Variants in LYPLAL1 observed in about 807,000 individuals in gnomAD.
LYPLAL1 encodes lysophospholipase-like protein 1.
Under a neutral mutation model 19.7 loss-of-function variants are expected in LYPLAL1, and 23 were observed. That is an observed-to-expected ratio of 1.17 (90% CI 0.84 to 1.65). LYPLAL1 has a LOEUF of 1.65. Ranked by LOEUF, LYPLAL1 falls within the 40% of genes most tolerant of loss-of-function variation. The pLI, the probability that LYPLAL1 is intolerant of heterozygous loss-of-function variation, is 0.00. For missense variants in LYPLAL1, 355 were observed against 279.4 expected, an observed-to-expected ratio of 1.27 and a Z score of -1.93; for synonymous variants, 119 against 96.3, an observed-to-expected ratio of 1.24 and a Z score of -1.38.
chr1:219,444,507 A>T, the LYPLAL1 span, among the ~76,000 whole-genome samples: 2 of 152,230 alleles, frequency 1.3e-5, no homozygotes, highest in African/African-American at 4.8e-5. Flanking sequence ...AAGGAAAAAA[A>T]TAAAAGCAAA....
the LYPLAL1 span, among the ~76,000 whole-genome samples, chr1:219,403,764 C>G: frequency 6.6e-6 from 1 of 152,002 alleles, no homozygotes; most frequent in Non-Finnish European, 1.5e-5. Context: ...ATTTAAGAAC[C>G]TCAATCTGAG....
At chr1:219,400,047 A>C in the LYPLAL1 span, among the ~76,000 whole-genome samples, 1 of 152,096 alleles carries the variant, frequency 6.6e-6, no homozygotes, top group African/African-American at 2.4e-5. Context: ...AGGTAAGAGC[A>C]TGTTGCTTCT....
At chr1:219,287,464 T>C in the LYPLAL1 span, among the ~76,000 whole-genome samples, 1 of 152,172 alleles carries the variant, frequency 6.6e-6, no homozygotes, top group African/African-American at 2.4e-5. Context: ...TTCAGGGATA[T>C]GCAAATTGAA....
the LYPLAL1 span, among the ~76,000 whole-genome samples, chr1:219,368,015 AACTATGTATTGCT>A: frequency 6.6e-6 from 1 of 151,580 alleles, no homozygotes; most frequent in Admixed American, 6.6e-5. Flanking sequence ...CTGAAGTAAG[AACTATGTATTGCT>A]ACTCCTTTAT....
the LYPLAL1 span, among the ~76,000 whole-genome samples, chr1:219,370,900 C>T: frequency 3.3e-5 from 5 of 152,106 alleles, no homozygotes; most frequent in East Asian, 1.9e-4. Flanking sequence ...AAGGAGATTG[C>T]GCTGAGACAG....
At chr1:219,430,010 T>C in the LYPLAL1 span, among the ~76,000 whole-genome samples, 1 of 152,154 alleles carries the variant, frequency 6.6e-6, no homozygotes, top group Non-Finnish European at 1.5e-5. Context: ...TGCTCTTGTC[T>C]AGGTCAGACA....
chr1:219,228,184 A>G, the LYPLAL1 span, among the ~76,000 whole-genome samples: 1 of 152,184 alleles, frequency 6.6e-6, no homozygotes, highest in Middle Eastern at 3.4e-3. Context: ...CGTAAGACCA[A>G]CTCTCACATC....
chr1:219,440,869 C>G, the LYPLAL1 span, among the ~76,000 whole-genome samples: 1 of 152,142 alleles, frequency 6.6e-6, no homozygotes, highest in Admixed American at 6.6e-5. Flanking sequence ...TAGTAGTCAT[C>G]AATCACTGCT....
chr1:219,327,948 T>C, the LYPLAL1 span, among the ~76,000 whole-genome samples: 2 of 152,182 alleles, frequency 1.3e-5, no homozygotes, highest in African/African-American at 4.8e-5. Flanking sequence ...GGTATGTCTT[T>C]ATCAGCAACA....
At chr1:219,237,772 G>A in the LYPLAL1 span, among the ~76,000 whole-genome samples, 1 of 151,984 alleles carries the variant, frequency 6.6e-6, no homozygotes, top group African/African-American at 2.4e-5. Context: ...TATGCTTCCT[G>A]TTTTATGGCA....
At chr1:219,400,055 T>C in the LYPLAL1 span, among the ~76,000 whole-genome samples, 42,697 of 151,958 alleles carry the variant, frequency 0.28, 6,401 homozygotes, top group East Asian at 0.53. Flanking sequence ...GCATGTTGCT[T>C]CTTGCCAGTT....
the LYPLAL1 span, among the ~76,000 whole-genome samples, chr1:219,433,690 G>A: frequency 6.6e-6 from 1 of 152,224 alleles, no homozygotes. Context: ...ACACTTGGCT[G>A]TTCTGTGCAG....
chr1:219,320,001 G>A, the LYPLAL1 span, among the ~76,000 whole-genome samples: 10 of 152,036 alleles, frequency 6.6e-5, no homozygotes, highest in African/African-American at 2.2e-4. Flanking sequence ...GTACAATAAC[G>A]CTTACATAAA....
At chr1:219,255,928 T>C in the LYPLAL1 span, among the ~76,000 whole-genome samples, 131 of 152,084 alleles carry the variant, frequency 8.6e-4, 1 homozygote, top group Non-Finnish European at 1.5e-3. Flanking sequence ...AAAGCCATTT[T>C]ACCATCATAT....
At chr1:219,371,453 A>G in the LYPLAL1 span, among the ~76,000 whole-genome samples, 1 of 152,236 alleles carries the variant, frequency 6.6e-6, no homozygotes, top group East Asian at 1.9e-4. Context: ...ATATTCTGTC[A>G]GTAATGCTTG....
At chr1:219,323,641 A>G in the LYPLAL1 span, among the ~76,000 whole-genome samples, 9 of 152,304 alleles carry the variant, frequency 5.9e-5, no homozygotes, top group East Asian at 1.5e-3. Context: ...GACAGGGAGA[A>G]CTGTGGTTTC....
downstream of LYPLAL1, among the ~76,000 whole-genome samples, chr1:219,217,407 T>TGTGTGTGTGTGTGTGTGA (rs1225833975): frequency 3.4e-5 from 4 of 116,222 alleles, no homozygotes; most frequent in South Asian, 3.3e-4. Context: ...TGTGTGTGTG[T>TGTGTGTGTGTGTGTGTGA]GAGAGATGGT....
At chr1:219,242,663 A>G in the LYPLAL1 span, among the ~76,000 whole-genome samples, 2 of 151,990 alleles carry the variant, frequency 1.3e-5, no homozygotes. Context: ...ATTGACTCAC[A>G]ATGAATCTTG....
At chr1:219,282,114 C>T in the LYPLAL1 span, among the ~76,000 whole-genome samples, 1,139 of 152,084 alleles carry the variant, frequency 7.5e-3, 6 homozygotes, top group Non-Finnish European at 0.013. Context: ...AGAAACTTTT[C>T]GAAAATCATA....
Sources: allele counts gnomAD v4.1 joint callset (sites outside exome capture counted in the v4.1 genomes callset), GRCh38; gene constraint gnomAD v4.1.1; transcripts MANE v1.5; gene names NCBI Gene and HGNC (gene_info 2026-07-23, HGNC 2026-07-21).